The following KLF17 variants were observed in gnomAD, a reference collection of about 807,000 sequenced individuals.
The protein encoded by KLF17 is KLF transcription factor 17, also known as Krueppel-like factor 17.
KLF17 carries 31 observed loss-of-function variants against 34.2 expected under a neutral mutation model. The ratio of observed to expected loss-of-function variants is 0.91; its 90% confidence interval spans 0.68 to 1.22. The LOEUF (loss-of-function observed/expected upper bound fraction) is 1.22, where lower values mean the gene tolerates loss of function less well. Among genes scored for constraint, KLF17 ranks in the 50% most tolerant of loss-of-function variants. KLF17 has a pLI of 0.00. For synonymous variants in KLF17, 179 were observed against 186.7 expected (o/e 0.96, Z 0.34); for missense variants, 478 against 505.2 (o/e 0.95, Z 0.52).
chr1:44,087,314 G>A, the KLF17 span, among the ~76,000 whole-genome samples: 1 of 151,960 alleles, frequency 6.6e-6, no homozygotes, highest in Admixed American at 6.6e-5. Context: ...TATTGCAGTG[G>A]TGTGATCATG....
At chr1:44,079,011 A>T in the KLF17 span, among the ~76,000 whole-genome samples, 2 of 152,136 alleles carry the variant, frequency 1.3e-5, no homozygotes, top group Admixed American at 6.5e-5. Flanking sequence ...ATCATATTTT[A>T]CAATAAGTCT....
At chr1:44,127,629 CTT>C (rs200147608) in intron 1 of KLF17, among the ~76,000 whole-genome samples, 1 of 50,186 alleles carries the variant, frequency 2.0e-5, no homozygotes, top group African/African-American at 6.6e-5. Context: ...CTTTTCTTTT[CTT>C]TTCTTTCCTT....
Position 44,129,350 on chromosome 1 carries a change from A to G in KLF17, c.82-3A>G, listed in dbSNP as rs867003354. The stretch of plus-strand genomic sequence containing the variant: ...AAAAATCACCTGACTCTTTTTCCCC[A>G]AGGATAACGAGAACTCAGCGCCCAT... On this transcript the variant is annotated splice_region_variant and splice_polypyrimidine_tract_variant and intron_variant, in intron 1 of 3. Transcript: ENST00000372299. 4.6e-6 allele frequency: 7 copies of G among 1,507,454 alleles called. 1 individual carries two copies. The Middle Eastern group carries it at 1.3e-3, about 272-fold the overall frequency. 93.4% of individuals were successfully genotyped at this position (1,507,454 alleles called of 1,614,324 possible).
the KLF17 span, among the ~76,000 whole-genome samples, chr1:44,067,199 C>CA: frequency 0.13 from 19,709 of 152,092 alleles, 1,486 homozygotes; most frequent in African/African-American, 0.21. Context: ...GTCAGACTCC[C>CA]ACTCCCTTGA....
At chr1:44,105,488 CAG>C in the KLF17 span, 3 of 152,094 alleles carry the variant, frequency 2.0e-5, no homozygotes, top group South Asian at 6.2e-4. Flanking sequence ...TGCAGAGGGA[CAG>C]AAACAGCAGT....
At chr1:44,122,037 T>C (rs1475191235) in intron 1 of KLF17, 7 of 713,652 alleles carry the variant, frequency 9.8e-6, no homozygotes, top group East Asian at 2.7e-5. Context: ...TTATGTCTTT[T>C]CCTTTTTTCA....
chr1:44,070,836 C>T, the KLF17 span, among the ~76,000 whole-genome samples: 2 of 151,920 alleles, frequency 1.3e-5, no homozygotes, highest in Admixed American at 1.3e-4. Context: ...AGGGGAAGGA[C>T]AGTTATTTTT....
At chr1:44,108,889 A>C in the KLF17 span, among the ~76,000 whole-genome samples, 6 of 151,428 alleles carry the variant, frequency 4.0e-5, no homozygotes, top group Non-Finnish European at 7.4e-5. Context: ...CTGGTCTTGA[A>C]CTCCTGACCT....
chr1:44,091,934 AAAC>A, the KLF17 span, among the ~76,000 whole-genome samples: 1 of 139,164 alleles, frequency 7.2e-6, no homozygotes, highest in African/African-American at 2.7e-5. Context: ...AAAACCCAAA[AAAC>A]AACAACAACA....
Position 44,127,670 on chromosome 1 carries a change from CTTTCTTTCTTTCTTTCTTTCTT to C in KLF17, c.82-1660_82-1639del, listed in dbSNP as rs1557731903. On this transcript the variant is annotated intron_variant, in intron 1 of 3. Transcript: ENST00000372299. ...TCTTTCTTTCTTTCTTTCTTTCTTT[CTTTCTTTCTTTCTTTCTTTCTT>C]TTTCTTTCTTTCTTTCTTTCTTCTC... 8.2e-4 allele frequency among the ~76,000 whole-genome samples: 37 copies of C among 44,990 alleles called. 1 individual carries two copies. The highest frequency in any genetic ancestry group is 6.6e-3 in the East Asian group (10 of 1,508). 29.5% of individuals were successfully genotyped at this position (44,990 alleles called of 152,430 possible).
chr1:44,079,721 A>G, the KLF17 span, among the ~76,000 whole-genome samples: 7 of 152,156 alleles, frequency 4.6e-5, no homozygotes, highest in African/African-American at 7.2e-5. Flanking sequence ...TATTTCATAT[A>G]TGGTATGAGA....
chr1:44,103,352 C>T, the KLF17 span: 344 of 743,366 alleles, frequency 4.6e-4, no homozygotes, highest in African/African-American at 5.4e-3. Flanking sequence ...ACTCGGACAC[C>T]GGCTTCCCGT....
At chr1:44,091,475 G>A in the KLF17 span, among the ~76,000 whole-genome samples, 1 of 151,802 alleles carries the variant, frequency 6.6e-6, no homozygotes, top group Admixed American at 6.6e-5. Flanking sequence ...GGCCAACCTG[G>A]TGAGACCCTG....
upstream of KLF17, among the ~76,000 whole-genome samples, chr1:44,117,805 T>C (rs2087897618): frequency 6.6e-6 from 1 of 152,168 alleles, no homozygotes; most frequent in African/African-American, 2.4e-5. Context: ...TCATCTCCTT[T>C]AGATTTCTAA....
the KLF17 span, among the ~76,000 whole-genome samples, chr1:44,080,137 C>T: frequency 7.9e-5 from 12 of 151,778 alleles, no homozygotes; most frequent in African/African-American, 2.9e-4. Flanking sequence ...CCATGTTGGC[C>T]AGGCTGGTAT....
the KLF17 span, among the ~76,000 whole-genome samples, chr1:44,067,001 T>C: frequency 2.6e-5 from 4 of 152,204 alleles, no homozygotes; most frequent in Non-Finnish European, 5.9e-5. Flanking sequence ...TCTCAAATAG[T>C]GGTTACCTCT....
the KLF17 span, chr1:44,074,787 A>G: frequency 3.3e-5 from 5 of 152,232 alleles, no homozygotes; most frequent in African/African-American, 1.2e-4. Context: ...TTGTGCTAAA[A>G]AACAATCTGA....
At chr1:44,048,002 A>ATGTGTGTGTGTGTGTGTGTGTG in the KLF17 span, 3 of 134,160 alleles carry the variant, frequency 2.2e-5, no homozygotes, top group Non-Finnish European at 4.9e-5. Context: ...TTGTGTGTGT[A>ATGTGTGTGTGTGTGTGTGTGTG]TGTGTGTGTG....
chr1:44,064,983 T>C, the KLF17 span, among the ~76,000 whole-genome samples: 36 of 152,134 alleles, frequency 2.4e-4, no homozygotes, highest in African/African-American at 8.7e-4. Context: ...CTTTATATTG[T>C]TTTAAGGTCA....
Sources: gnomAD v4.1 joint callset for allele counts (sites outside exome capture counted in the v4.1 genomes callset) on GRCh38, gnomAD v4.1.1 for gene constraint, MANE v1.5 for transcripts, NCBI Gene and HGNC (gene_info 2026-07-23, HGNC 2026-07-21) for gene names.